The following ARHGAP35 variants were observed in gnomAD, a reference collection of about 807,000 sequenced individuals.
ARHGAP35 encodes rho GTPase-activating protein 35.
In ARHGAP35, 15 loss-of-function variants were observed where a neutral mutation model predicts 111.1. That is an observed-to-expected ratio of 0.13 (90% CI 0.09 to 0.21). ARHGAP35 has a LOEUF of 0.21. ARHGAP35 is among the 10% of genes least tolerant of loss of function. The pLI is 1.00. For missense variants in ARHGAP35, 1,262 were observed against 1,873.0 expected, an observed-to-expected ratio of 0.67 and a Z score of 6.02; for synonymous variants, 643 against 710.3, an observed-to-expected ratio of 0.91 and a Z score of 1.51.
chr19:46,931,421 G>A lies in ARHGAP35; in HGVS notation c.3682-5843G>A, dbSNP rs571557274. Among the ~76,000 whole-genome samples the A allele has an allele frequency of 7.4e-4, 112 of 152,220 alleles. 3 individuals are homozygous for A. In the South Asian group the frequency reaches 0.023, roughly 31 times the overall value. On this transcript the variant is annotated intron_variant, in intron 2 of 6. Coordinates refer to ENST00000672722, the MANE Select transcript of ARHGAP35 (RefSeq NM_004491.5). Reference sequence around the variant, plus strand: ...GGGTCTGTGGACTGGGCTTACAGCCGAGTGGGGAGCAGAGGCAGTGACAGA... The same window carrying A: ...GGGTCTGTGGACTGGGCTTACAGCCAAGTGGGGAGCAGAGGCAGTGACAGA...
chr19:46,967,898 C>T (rs1211139551), intron 3 of ARHGAP35, among the ~76,000 whole-genome samples: 3 of 151,432 alleles, frequency 2.0e-5, no homozygotes, highest in African/African-American at 7.4e-5. Context: ...CTGTCACGCC[C>T]GGAGTCCTTC....
At chr19:46,953,795 C>T (rs566099268) in intron 3 of ARHGAP35, among the ~76,000 whole-genome samples, 4 of 152,286 alleles carry the variant, frequency 2.6e-5, no homozygotes, top group African/African-American at 9.6e-5. Context: ...GCAGACGGGT[C>T]ACTTCCCGTC....
At position 46,861,148 on chromosome 19, in the gene ARHGAP35, G is replaced by A. The variant is rs1439793270; in HGVS notation, c.-250G>A. ...ACTAGGAGCAGGGGAACATGGCGCC[G>A]GGGCCCCCGTCGTTGCTGCCGGGAT... On this transcript the variant is annotated 5_prime_UTR_variant, in exon 1 of 7. Coordinates refer to ENST00000672722, the MANE Select transcript of ARHGAP35 (RefSeq NM_004491.5). Among the ~76,000 whole-genome samples, 1 of 151,550 alleles carries A rather than the reference G, an allele frequency of 6.6e-6. No individual in the cohort carries two copies. The highest frequency in any genetic ancestry group is 2.0e-4 in the East Asian group (1 of 5,114).
intron 3 of ARHGAP35, among the ~76,000 whole-genome samples, chr19:46,974,222 A>G (rs1195184767): frequency 6.6e-6 from 1 of 152,172 alleles, no homozygotes; most frequent in East Asian, 1.9e-4. Flanking sequence ...CTGTCTAGCA[A>G]TTCATTTAAT....
rs771867647 is a variant in ARHGAP35 at position 46,919,203 on chromosome 19, C to G, written c.528C>G (p.Asp176Glu). The G allele has an allele frequency of 5.0e-6, 8 of 1,613,930 alleles. No individual in the cohort carries two copies. The South Asian group carries it at 8.8e-5, about 18-fold the overall frequency. Residue 176 changes from aspartate (D) to glutamate (E), a missense_variant, in exon 2 of 7, where the codon GAC becomes GAG. Asp to Glu is a conservative substitution (Grantham distance 45). This residue lies in a region of ARHGAP35 where 125 missense variants were observed against 301.7 expected (regional missense o/e 0.41). Coordinates refer to ENST00000672722, the MANE Select transcript of ARHGAP35 (RefSeq NM_004491.5). This position sits in a 1 kb window ranked among gnomAD's most constrained non-coding sequence, Gnocchi z 6.2. ...VSRGMNRNFD[D>E]QLKFVSNLYN... is the part of the protein sequence containing the mutation. The stretch of plus-strand genomic sequence containing the variant: ...GGGGCATGAATAGGAACTTTGATGA[C>G]CAGCTCAAGTTTGTCTCCAATCTCT...
chr19:46,976,385 C>G (rs977218733), intron 3 of ARHGAP35, among the ~76,000 whole-genome samples: 2 of 152,164 alleles, frequency 1.3e-5, no homozygotes, highest in Admixed American at 1.3e-4. Context: ...TAGCTTGTGA[C>G]TCGGCATTGC....
chr19:46,907,540 G>A (rs969222825), intron 1 of ARHGAP35, among the ~76,000 whole-genome samples: 14 of 138,212 alleles, frequency 1.0e-4, no homozygotes, highest in Non-Finnish European at 1.6e-4. Flanking sequence ...CAGCAGTGGC[G>A]CGAACTCGGC....
rs1267803245 is a variant in ARHGAP35 at position 46,874,521 on chromosome 19, T to TA, written c.-189+13312_-189+13313insA. Among the ~76,000 whole-genome samples the TA allele has an allele frequency of 9.1e-3, 1,350 of 148,588 alleles. 18 individuals are homozygous for TA. The highest frequency in any genetic ancestry group is 0.015 in the Non-Finnish European group (1,020 of 67,192). ...TTTGTCTTTTTTTTTTTTTTTTTTTTGAGTCGGAGTCTTGCTCTGTTGCCC... is the reference window on the plus strand; with the variant it reads ...TTTGTCTTTTTTTTTTTTTTTTTTTTAGAGTCGGAGTCTTGCTCTGTTGCCC... On this transcript the variant is annotated intron_variant, in intron 1 of 6. Coordinates refer to ENST00000672722, the MANE Select transcript of ARHGAP35 (RefSeq NM_004491.5).
At chr19:46,884,772 G>T (rs1187818089) in intron 1 of ARHGAP35, among the ~76,000 whole-genome samples, 3 of 152,022 alleles carry the variant, frequency 2.0e-5, no homozygotes, top group Non-Finnish European at 4.4e-5. Context: ...CAGGTTTAAG[G>T]GCTAGAGTGC....
intron 1 of ARHGAP35, among the ~76,000 whole-genome samples, chr19:46,888,643 G>A (rs2122148096): frequency 6.6e-6 from 1 of 151,880 alleles, no homozygotes; most frequent in South Asian, 2.1e-4. Flanking sequence ...ATCTTTTCCT[G>A]TACTATGTGA....
chr19:46,980,293 G>C (rs933491231), intron 3 of ARHGAP35, among the ~76,000 whole-genome samples: 2 of 152,264 alleles, frequency 1.3e-5, no homozygotes, highest in Admixed American at 1.3e-4. Context: ...GCTGAAGCAG[G>C]AGAATCGCTG....
At chr19:46,940,357 C>G (rs2056339297) in intron 3 of ARHGAP35, among the ~76,000 whole-genome samples, 1 of 91,228 alleles carries the variant, frequency 1.1e-5, no homozygotes, top group East Asian at 2.3e-4. Flanking sequence ...AAAACTGTGT[C>G]TCAAAAAAAA....
Position 46,992,326 on chromosome 19 carries a change from TG to T in ARHGAP35, c.4036+2654del, listed in dbSNP as rs2056683620. 1.3e-5 allele frequency among the ~76,000 whole-genome samples: 2 copies of T among 152,174 alleles called. No homozygotes were observed. Among genetic ancestry groups the T allele is most frequent in the African/African-American group, 4.8e-5 (2 of 41,428 alleles). ...GCCGGGGCTTGAGTCCCTGCGTACG[TG>T]GGTGCAAATGAAGTTCTCTGAAGAC... On this transcript the variant is annotated intron_variant, in intron 5 of 6. Transcript: ENST00000672722. This position sits in a 1 kb window ranked among gnomAD's most constrained non-coding sequence, Gnocchi z 4.4.
chr19:46,930,854 CGG>C (rs2056268673), intron 2 of ARHGAP35, among the ~76,000 whole-genome samples: 1 of 151,650 alleles, frequency 6.6e-6, no homozygotes, highest in South Asian at 2.1e-4. Context: ...TCATTGAGGG[CGG>C]GAGACGACTT....
At chr19:46,985,251 G>A (rs1254911478) in intron 3 of ARHGAP35, among the ~76,000 whole-genome samples, 1 of 152,198 alleles carries the variant, frequency 6.6e-6, no homozygotes, top group African/African-American at 2.4e-5. Flanking sequence ...TTACTAACTA[G>A]TGCTGGTGAG....
chr19:46,865,713 T>C (rs2055851917), intron 1 of ARHGAP35, among the ~76,000 whole-genome samples: 1 of 152,240 alleles, frequency 6.6e-6, no homozygotes, highest in African/African-American at 2.4e-5. Context: ...TAGTCTGGTC[T>C]GCTTCCCAAC....
rs780290702 is a variant in ARHGAP35 at position 46,922,461 on chromosome 19, C to A, written c.3681+105C>A. ...ACAACCTATTCTGGTAAAAAAAAAA[C>A]TGCCCTGTGTGTGTATTTGACTTAA... On this transcript the variant is annotated intron_variant, in intron 2 of 6. Coordinates refer to ENST00000672722, the MANE Select transcript of ARHGAP35 (RefSeq NM_004491.5). This position sits in a 1 kb window ranked among gnomAD's most constrained non-coding sequence, Gnocchi z 4.0. 185 of 1,083,548 alleles carry A rather than the reference C, an allele frequency of 1.7e-4. No individual in the cohort carries two copies. Among genetic ancestry groups the A allele is most frequent in the Non-Finnish European group, 2.3e-4 (182 of 785,538 alleles). 67.1% of individuals were successfully genotyped at this position (1,083,548 alleles called of 1,614,324 possible). A position where few individuals can be genotyped will look rare whatever the true frequency, so the allele number is the denominator to read the frequency against.
rs549915913 is a variant in ARHGAP35, at chr19:46,929,231, G to A, written c.3681+6875G>A. On this transcript the variant is annotated intron_variant, in intron 2 of 6. Coordinates refer to ENST00000672722, the MANE Select transcript of ARHGAP35 (RefSeq NM_004491.5). ...GCGTGGAATTTTTCAGAGCCCAGAA[G>A]GGGGAGCACCGGTTAACCAAGAATA... is the stretch of plus-strand genomic sequence containing the variant. Among the ~76,000 whole-genome samples the A allele has an allele frequency of 2.6e-3, 399 of 152,320 alleles. 2 individuals are homozygous for A. Among genetic ancestry groups the A allele is most frequent in the Middle Eastern group, 6.8e-3 (2 of 294 alleles).
intron 3 of ARHGAP35, among the ~76,000 whole-genome samples, chr19:46,974,364 C>T (rs1456381183): frequency 6.6e-6 from 1 of 152,186 alleles, no homozygotes; most frequent in Non-Finnish European, 1.5e-5. Flanking sequence ...CACTTCTGTC[C>T]TACTTGCCTT....
Sources: allele counts gnomAD v4.1 joint callset (sites outside exome capture counted in the v4.1 genomes callset), GRCh38; gene constraint gnomAD v4.1.1; regional missense constraint gnomAD v4.1.1; non-coding constraint Gnocchi (gnomAD v3.1); transcripts MANE v1.5; gene names NCBI Gene and HGNC (gene_info 2026-07-23, HGNC 2026-07-21).